Variants in VPS13B observed in about 807,000 individuals in gnomAD.
VPS13B encodes vacuolar protein sorting 13 homolog B.
A neutral mutation model predicts 426.4 loss-of-function variants in VPS13B; 285 were observed. The observed-to-expected ratio is 0.67, with a 90% CI of 0.61 to 0.74. The LOEUF (loss-of-function observed/expected upper bound fraction) is 0.74. Among genes scored for constraint, VPS13B ranks in the 30% least tolerant of loss-of-function variants. VPS13B has a pLI of 0.00. For synonymous variants in VPS13B, 1,676 were observed against 1,676.4 expected (o/e 1.00, Z 0.01); for missense variants, 4,537 against 4,782.6 (o/e 0.95, Z 1.51).
intron 19 of VPS13B, among the ~76,000 whole-genome samples, chr8:99,312,461 G>A (rs573567868): frequency 1.1e-4 from 16 of 152,292 alleles, no homozygotes; most frequent in Non-Finnish European, 1.8e-4. Flanking sequence ...ATTCTGGGTT[G>A]AAAATTATTT....
At chr8:99,448,254 G>T (rs1818025585) in intron 23 of VPS13B, among the ~76,000 whole-genome samples, 1 of 151,002 alleles carries the variant, frequency 6.6e-6, no homozygotes, top group Non-Finnish European at 1.5e-5. Flanking sequence ...GAAATTTCCA[G>T]TCTATTTTTC....
intron 39 of VPS13B, among the ~76,000 whole-genome samples, chr8:99,730,217 A>T (rs937208696): frequency 1.1e-4 from 17 of 152,196 alleles, no homozygotes; most frequent in African/African-American, 4.1e-4. Context: ...TTTAGGAGGG[A>T]TGCTCAAAGC....
intron 3 of VPS13B, among the ~76,000 whole-genome samples, chr8:99,089,008 G>A (rs896765877): frequency 2.0e-5 from 3 of 152,130 alleles, no homozygotes; most frequent in African/African-American, 4.8e-5. Flanking sequence ...ATAAGGAAAG[G>A]TTAGGTTGGA....
At chr8:99,113,866 C>T (rs1191129104) in intron 6 of VPS13B, among the ~76,000 whole-genome samples, 1 of 152,012 alleles carries the variant, frequency 6.6e-6, no homozygotes, top group African/African-American at 2.4e-5. Context: ...CCTGGCCCCT[C>T]TATTTCTTTT....
At chr8:99,075,859 A>C (rs908623742) in intron 3 of VPS13B, among the ~76,000 whole-genome samples, 55 of 152,052 alleles carry the variant, frequency 3.6e-4, no homozygotes, top group African/African-American at 1.3e-3. Context: ...TATATTGTTT[A>C]GTCTCTAGTT....
rs577548794 is a variant in VPS13B, at chr8:99,181,110, A to G, written c.2333+10947A>G. ...AGCGAATGACCAATAATTAGTTATGATAAAATGGAAAAATGTAAATAGCAA... is the reference window on the plus strand; with the variant it reads ...AGCGAATGACCAATAATTAGTTATGGTAAAATGGAAAAATGTAAATAGCAA... On this transcript the variant is annotated intron_variant, in intron 16 of 61. Coordinates refer to ENST00000357162, the MANE Select transcript of VPS13B (RefSeq NM_152564.5). 3.9e-5 allele frequency among the ~76,000 whole-genome samples: 6 copies of G among 152,318 alleles called. No individual in the cohort carries two copies. In the East Asian group the frequency reaches 1.2e-3, roughly 29 times the overall value.
chr8:99,267,911 G>A (rs1235960306), intron 17 of VPS13B, among the ~76,000 whole-genome samples: 1 of 152,040 alleles, frequency 6.6e-6, no homozygotes, highest in African/African-American at 2.4e-5. Flanking sequence ...AGGTCTAGGA[G>A]GGAAAAATGG....
chr8:99,792,491 A>G (rs1812590836), intron 43 of VPS13B, among the ~76,000 whole-genome samples: 1 of 152,154 alleles, frequency 6.6e-6, no homozygotes, highest in Non-Finnish European at 1.5e-5. Flanking sequence ...TAAAAACCCT[A>G]AAAGAGTGAT....
intron 8 of VPS13B, among the ~76,000 whole-genome samples, chr8:99,127,209 A>T (rs1311025271): frequency 6.6e-6 from 1 of 151,962 alleles, no homozygotes; most frequent in Non-Finnish European, 1.5e-5. Flanking sequence ...AAATGTTGGC[A>T]TATAGGGCTT....
intron 20 of VPS13B, among the ~76,000 whole-genome samples, chr8:99,386,715 C>G (rs1216548239): frequency 6.6e-6 from 1 of 152,054 alleles, no homozygotes. Flanking sequence ...AAACTACTTG[C>G]AATACCAATA....
intron 30 of VPS13B, among the ~76,000 whole-genome samples, chr8:99,543,900 T>G (rs1823790554): frequency 4.2e-5 from 6 of 144,302 alleles, no homozygotes; most frequent in Admixed American, 2.1e-4. Flanking sequence ...TGGAAGTCAG[T>G]GTGGCGATTC....
intron 27 of VPS13B, among the ~76,000 whole-genome samples, chr8:99,504,163 A>G (rs1015149599): frequency 6.6e-6 from 1 of 152,170 alleles, no homozygotes; most frequent in Non-Finnish European, 1.5e-5. Flanking sequence ...TTATTTAAAA[A>G]GAGCATAGCA....
rs879595424 is a variant in VPS13B at position 99,144,336 on chromosome 8, TA to T, written c.1843+1184del. Among the ~76,000 whole-genome samples the T allele has an allele frequency of 1.7e-3, 249 of 143,178 alleles. 1 individual carries two copies. The highest frequency in any genetic ancestry group is 2.2e-3 in the East Asian group (11 of 4,980). 93.9% of individuals were successfully genotyped at this position (143,178 alleles called of 152,430 possible). A position where few individuals can be genotyped will look rare whatever the true frequency, so the allele number is the denominator to read the frequency against. The stretch of plus-strand genomic sequence containing the variant: ...GCAAGACCCAGTCTCTACAAAAGAT[TA>T]AAAAAAAAAAAATTAGTTGGGTGTG... On this transcript the variant is annotated intron_variant, in intron 13 of 61. Transcript: ENST00000357162.
At chr8:99,664,314 CTT>C (rs61246819) in intron 35 of VPS13B, among the ~76,000 whole-genome samples, 80 of 143,650 alleles carry the variant, frequency 5.6e-4, no homozygotes, top group African/African-American at 1.5e-3. Flanking sequence ...CAGAAATGTA[CTT>C]TTTTTTTTTT....
intron 39 of VPS13B, among the ~76,000 whole-genome samples, chr8:99,742,002 CA>C (rs1256802958): frequency 6.6e-6 from 1 of 152,050 alleles, no homozygotes; most frequent in Admixed American, 6.6e-5. Context: ...AATAGAGACA[CA>C]AAAAACCCTT....
intron 50 of VPS13B, among the ~76,000 whole-genome samples, chr8:99,822,503 T>C (rs933527480): frequency 2.6e-5 from 4 of 152,312 alleles, no homozygotes; most frequent in African/African-American, 9.6e-5. Context: ...TAGTTGTAAG[T>C]TGAGAACTAC....
At chr8:99,243,812 C>T (rs1356575977) in intron 17 of VPS13B, among the ~76,000 whole-genome samples, 1 of 152,158 alleles carries the variant, frequency 6.6e-6, no homozygotes, top group Non-Finnish European at 1.5e-5. Flanking sequence ...CAGCTCATGC[C>T]CAGATGTCTT....
At position 99,189,083 on chromosome 8, in the gene VPS13B, T is replaced by C. The variant is rs564224508; in HGVS notation, c.2334-3793T>C. Among the ~76,000 whole-genome samples, 76 of 152,174 alleles carry C rather than the reference T, an allele frequency of 5.0e-4. 1 individual carries two copies. The highest frequency in any genetic ancestry group is 3.4e-3 in the Middle Eastern group (1 of 294). ...CCCGGCTAATTTTTTGTATTTTTAG[T>C]AGAGAGGGGGTTTCATCATGTTAGC... On this transcript the variant is annotated intron_variant, in intron 16 of 61. Coordinates refer to ENST00000357162, the MANE Select transcript of VPS13B (RefSeq NM_152564.5).
At chr8:99,242,088 C>T (rs532998602) in intron 17 of VPS13B, among the ~76,000 whole-genome samples, 5 of 152,214 alleles carry the variant, frequency 3.3e-5, no homozygotes, top group African/African-American at 1.2e-4. Context: ...TCACGCTATT[C>T]GCCTGCCTCA....
Sources: allele counts gnomAD v4.1 joint callset (sites outside exome capture counted in the v4.1 genomes callset), GRCh38; gene constraint gnomAD v4.1.1; transcripts MANE v1.5; gene names NCBI Gene and HGNC (gene_info 2026-07-23, HGNC 2026-07-21).